Variants in FBXO40 observed in about 807,000 individuals in gnomAD.
FBXO40 encodes the protein F-box only protein 40.
FBXO40 carries 50 observed loss-of-function variants against 49.9 expected under a neutral mutation model. The ratio of observed to expected loss-of-function variants is 1.00; its 90% CI spans 0.80 to 1.27. The LOEUF (loss-of-function observed/expected upper bound fraction) is 1.27, where lower values mean the gene tolerates loss of function less well. Ranked by LOEUF, FBXO40 falls within the 50% of genes most tolerant of loss-of-function variation. FBXO40 has a pLI of 0.00. For synonymous variants in FBXO40, 340 were observed against 320.2 expected (o/e 1.06, Z -0.66); for missense variants, 895 against 870.1 (o/e 1.03, Z -0.36).
chr3:121,599,293 C>G (rs1046406836), intron 1 of FBXO40, among the ~76,000 whole-genome samples: 3 of 151,890 alleles, frequency 2.0e-5, no homozygotes, highest in Non-Finnish European at 1.5e-5. Context: ...CATGGCAAAA[C>G]CCCGTCTCTA....
chr3:121,597,550 G>T (rs2048878479), intron 1 of FBXO40, among the ~76,000 whole-genome samples: 1 of 152,086 alleles, frequency 6.6e-6, no homozygotes, highest in African/African-American at 2.4e-5. Flanking sequence ...GCCTGGAGGA[G>T]GGAGGTGACC....
chr3:121,601,114 T>C (rs2048899130), intron 1 of FBXO40, among the ~76,000 whole-genome samples: 1 of 152,200 alleles, frequency 6.6e-6, no homozygotes, highest in Non-Finnish European at 1.5e-5. Flanking sequence ...AGGAGAGTCC[T>C]AGGCAAACCA....
Position 121,627,692 on chromosome 3 carries a change from A to C in FBXO40, c.*782A>C, listed in dbSNP as rs2049070040. ...CTTTGTAACATTTTAATAATGACTT[A>C]AGGGTCAAGATTTTTTTCTTCTGAA... On this transcript the variant is annotated 3_prime_UTR_variant, in exon 4 of 4. Transcript: ENST00000338040. 5.1e-6 allele frequency: 2 copies of C among 394,898 alleles called. No homozygotes were observed. Among genetic ancestry groups the C allele is most frequent in the Non-Finnish European group, 8.9e-6 (2 of 224,770 alleles). 24.5% of individuals were successfully genotyped at this position (394,898 alleles called of 1,614,324 possible).
chr3:121,622,639 T>C lies in FBXO40; in HGVS notation c.1210T>C (p.Leu404=). The C allele has an allele frequency of 1.2e-6, 2 of 1,614,176 alleles. No homozygotes were observed. The highest frequency in any genetic ancestry group is 1.7e-6 in the Non-Finnish European group (2 of 1,180,034). ...DLIKTTLQCA[L]ERELKGHVIS... ...CATCAAGACCACCCTCCAGTGTGCT[T>C]TGGAAAGAGAACTCAAAGGCCACGT... The change falls in exon 3 of 4, where the codon TTG becomes CTG. Residue 404 remains leucine, a synonymous_variant. Coordinates refer to ENST00000338040, the MANE Select transcript of FBXO40 (RefSeq NM_016298.4).
At chr3:121,595,298 A>T (rs1426710998) in intron 1 of FBXO40, among the ~76,000 whole-genome samples, 1 of 152,166 alleles carries the variant, frequency 6.6e-6, no homozygotes, top group Non-Finnish European at 1.5e-5. Context: ...CAGGGCCTCC[A>T]CAGCACCAAG....
intron 2 of FBXO40, 147 bp from the exon 3 acceptor site, chr3:121,621,286 G>A: frequency 1.6e-6 from 1 of 636,752 alleles, no homozygotes; most frequent in South Asian, 2.4e-5. Context: ...TCTGGATTGT[G>A]GGATTGTGAT....
intron 1 of FBXO40, among the ~76,000 whole-genome samples, chr3:121,595,061 G>A (rs1184995600): frequency 1.3e-5 from 2 of 152,182 alleles, no homozygotes; most frequent in African/African-American, 4.8e-5. Context: ...AAGGGATTCT[G>A]TACACTCTGA....
intron 3 of FBXO40, among the ~76,000 whole-genome samples, chr3:121,626,246 C>T (rs960173993): frequency 8.5e-5 from 13 of 152,220 alleles, no homozygotes; most frequent in African/African-American, 2.6e-4. Context: ...AGTGCTCACT[C>T]GGTGGTCTCT....
intron 1 of FBXO40, among the ~76,000 whole-genome samples, chr3:121,593,991 G>A (rs1054770751): frequency 6.6e-6 from 1 of 151,846 alleles, no homozygotes; most frequent in Non-Finnish European, 1.5e-5. Context: ...TCAGCCTTCC[G>A]AGTAGCTGAG....
At chr3:121,611,679 C>T (rs1037505677) in intron 1 of FBXO40, among the ~76,000 whole-genome samples, 2 of 152,198 alleles carry the variant, frequency 1.3e-5, no homozygotes, top group African/African-American at 4.8e-5. Context: ...CAGCACAGAC[C>T]CTTTACGGGT....
chr3:121,609,515 T>C lies in FBXO40; in HGVS notation c.-30-11031T>C, dbSNP rs527683025. Among the ~76,000 whole-genome samples, 3 of 152,092 alleles carry C rather than the reference T, an allele frequency of 2.0e-5. No homozygotes were observed. In the South Asian group the frequency reaches 6.2e-4, roughly 32 times the overall value. ...CTTGAGGGAGAACTGTCCAGGTTAG[T>C]TGTGAGGTTGAATGAGTATCAGGAT... On this transcript the variant is annotated intron_variant, in intron 1 of 3. Coordinates refer to ENST00000338040, the MANE Select transcript of FBXO40 (RefSeq NM_016298.4).
At chr3:121,607,476 A>AT (rs755069285) in intron 1 of FBXO40, among the ~76,000 whole-genome samples, 1 of 151,110 alleles carries the variant, frequency 6.6e-6, no homozygotes, top group African/African-American at 2.4e-5. Context: ...CGCCCGGCTA[A>AT]TTTTTTGTAT....
intron 1 of FBXO40, among the ~76,000 whole-genome samples, chr3:121,614,828 C>T (rs2048988174): frequency 6.6e-6 from 1 of 152,196 alleles, no homozygotes; most frequent in South Asian, 2.1e-4. Flanking sequence ...TCCATCCATA[C>T]AAGGACACCA....
At chr3:121,614,258 A>C (rs532570189) in intron 1 of FBXO40, among the ~76,000 whole-genome samples, 131 of 134,500 alleles carry the variant, frequency 9.7e-4, no homozygotes, top group Middle Eastern at 3.8e-3. Flanking sequence ...TGACAGAGCG[A>C]GACTCTAGCT....
At chr3:121,609,398 T>G (rs4676737) in intron 1 of FBXO40, among the ~76,000 whole-genome samples, 24,457 of 149,436 alleles carry the variant, frequency 0.16, 2,412 homozygotes, top group Admixed American at 0.33. Context: ...GCAAATCATC[T>G]ACATACTAGA....
In FBXO40 at chr3:121,623,268, G is replaced by C; in HGVS notation, c.1839G>C (p.Glu613Asp). The C allele has an allele frequency of 6.2e-7, 1 of 1,614,218 alleles. No individual in the cohort carries two copies. Among genetic ancestry groups the C allele is most frequent in the Non-Finnish European group, 8.5e-7 (1 of 1,180,044 alleles). ...ATATCTGTGCCACTTTGTTACAAGA[G>C]AGAGGAATGGTCCTTTTGCAATGGA... is the stretch of plus-strand genomic sequence containing the variant. ...MRNICATLLQ[E>D]RGMVLLQWKK... is the part of the protein sequence containing the mutation. The change falls in exon 3 of 4, where the codon GAG becomes GAC. Residue 613 changes from glutamate to aspartate, a missense_variant. Physicochemically the swap from Glu to Asp is conservative, Grantham distance 45. Transcript: ENST00000338040.
chr3:121,622,073 T>A lies in FBXO40; in HGVS notation c.644T>A (p.Phe215Tyr). 1 of 1,614,052 alleles carries A rather than the reference T, an allele frequency of 6.2e-7. No homozygotes were observed. The highest frequency in any genetic ancestry group is 8.5e-7 in the Non-Finnish European group (1 of 1,179,988). Residue 215 changes from phenylalanine (F) to tyrosine (Y), a missense_variant, in exon 3 of 4, where the codon TTT (phenylalanine) becomes TAT (tyrosine). Coordinates refer to ENST00000338040, the MANE Select transcript of FBXO40 (RefSeq NM_016298.4). ...KTKEGMDLVK[F>Y]GQWENIFSKE... Reference sequence around the variant, plus strand: ...AAAGAAGGGATGGACCTGGTCAAGTTTGGCCAGTGGGAAAATATTTTCAGC... The same window carrying A: ...AAAGAAGGGATGGACCTGGTCAAGTATGGCCAGTGGGAAAATATTTTCAGC...
chr3:121,595,910 T>C (rs980934715), intron 1 of FBXO40, among the ~76,000 whole-genome samples: 1 of 152,178 alleles, frequency 6.6e-6, no homozygotes, highest in African/African-American at 2.4e-5. Flanking sequence ...AAATAAATCA[T>C]TATTGCCAGC....
At chr3:121,601,156 T>A (rs2108844548) in intron 1 of FBXO40, among the ~76,000 whole-genome samples, 1 of 152,296 alleles carries the variant, frequency 6.6e-6, no homozygotes, top group South Asian at 2.1e-4. Context: ...TACCCAGCCA[T>A]GATTAGACTA....
Sources: allele counts gnomAD v4.1 joint callset (sites outside exome capture counted in the v4.1 genomes callset), GRCh38; gene constraint gnomAD v4.1.1; transcripts MANE v1.5; gene names NCBI Gene and HGNC (gene_info 2026-07-23, HGNC 2026-07-21).